UNC13B: variants seen among roughly 807,000 people sequenced by gnomAD.
UNC13B encodes the protein unc-13 homolog B, also known as protein unc-13 homolog B.
UNC13B carries 144 observed loss-of-function variants against 211.0 expected under a neutral mutation model. That is an observed-to-expected ratio of 0.68 (90% CI 0.60 to 0.78). UNC13B has a LOEUF of 0.78. UNC13B is among the 30% of genes least tolerant of loss of function. The pLI is 0.00. For synonymous variants in UNC13B, 709 were observed against 725.8 expected (o/e 0.98, Z 0.37); for missense variants, 1,777 against 2,002.0 (o/e 0.89, Z 2.14).
chr9:35,310,607 G>A lies in UNC13B; in HGVS notation c.9149G>A (p.Ser3050Asn), dbSNP rs746032041. ...DSIHSCHSSH[S>N]LSRDGQAGFG... ...ATTCATTCTTGCCACAGCTCTCACA[G>A]CCTGTCCAGAGATGGCCAAGCAGGT... The change falls in exon 10 of 40, where the codon AGC (serine) becomes AAC (asparagine). Residue 3050 changes from serine to asparagine, a missense_variant. Coordinates refer to ENST00000635942, the MANE Select transcript of UNC13B (RefSeq NM_001371189.2). The A allele has an allele frequency of 6.2e-7, 1 of 1,614,020 alleles. No homozygotes were observed. Among genetic ancestry groups the A allele is most frequent in the Non-Finnish European group, 8.5e-7 (1 of 1,180,000 alleles).
chr9:35,338,639 G>T (rs1281601998), intron 11 of UNC13B, among the ~76,000 whole-genome samples: 1 of 152,178 alleles, frequency 6.6e-6, no homozygotes, highest in African/African-American at 2.4e-5. Context: ...GCTTTTTCAT[G>T]TTGCTTCTGG....
At position 35,162,155 on chromosome 9, in the gene UNC13B, G is replaced by A. The variant is rs984514114; in HGVS notation, c.-129G>A. The A allele has an allele frequency of 1.6e-5, 22 of 1,407,380 alleles. No individual in the cohort carries two copies. The highest frequency in any genetic ancestry group is 2.1e-5 in the Non-Finnish European group (22 of 1,034,272). The allele number at this position is 1,407,380 out of a possible 1,614,324, so 87.2% of individuals were successfully genotyped here. On this transcript the variant is annotated 5_prime_UTR_variant, in exon 1 of 40. Coordinates refer to ENST00000635942, the MANE Select transcript of UNC13B (RefSeq NM_001371189.2). Reference sequence around the variant, plus strand: ...GAGGCAGCGGCGGGACGCTACCTGCGACCGGGACCATGAGGAGCTGCCAGA... The same window carrying A: ...GAGGCAGCGGCGGGACGCTACCTGCAACCGGGACCATGAGGAGCTGCCAGA...
At chr9:35,386,980 T>C (rs1835230657) in intron 24 of UNC13B, among the ~76,000 whole-genome samples, 1 of 152,230 alleles carries the variant, frequency 6.6e-6, no homozygotes, top group Non-Finnish European at 1.5e-5. Flanking sequence ...AGGAGTTTCT[T>C]GCTGACCATA....
At chr9:35,262,997 A>T (rs1288501470) in intron 7 of UNC13B, among the ~76,000 whole-genome samples, 1 of 152,154 alleles carries the variant, frequency 6.6e-6, no homozygotes, top group Non-Finnish European at 1.5e-5. Context: ...TATGATATTG[A>T]TCTTTTTTTA....
intron 1 of UNC13B, among the ~76,000 whole-genome samples, chr9:35,206,200 T>G (rs1823632046): frequency 6.6e-6 from 1 of 151,818 alleles, no homozygotes; most frequent in Non-Finnish European, 1.5e-5. Flanking sequence ...GTCTCAAAAA[T>G]AAAAATTAAA....
intron 6 of UNC13B, among the ~76,000 whole-genome samples, chr9:35,256,060 T>A (rs879468407): frequency 1.3e-5 from 2 of 152,200 alleles, no homozygotes; most frequent in African/African-American, 2.4e-5. Flanking sequence ...TAGTTATGAT[T>A]TTTGCAAAGG....
At chr9:35,224,746 A>T (rs1463324508) in intron 1 of UNC13B, among the ~76,000 whole-genome samples, 1 of 152,090 alleles carries the variant, frequency 6.6e-6, no homozygotes, top group Admixed American at 6.5e-5. Context: ...ACTACAGGCA[A>T]ATACTCCTGA....
chr9:35,255,937 A>T (rs1826856155), intron 6 of UNC13B, among the ~76,000 whole-genome samples: 1 of 152,180 alleles, frequency 6.6e-6, no homozygotes, highest in African/African-American at 2.4e-5. Context: ...CATGAACTGA[A>T]TTCCTTCCCG....
At chr9:35,230,443 TCTGGGTGACACAGCAAGA>T (rs1203889602) in intron 2 of UNC13B, among the ~76,000 whole-genome samples, 88 of 145,466 alleles carry the variant, frequency 6.0e-4, no homozygotes, top group Admixed American at 1.1e-3. Context: ...TGCACCCTGG[TCTGGGTGACACAGCAAGA>T]CTCTGTCTCA....
intron 11 of UNC13B, among the ~76,000 whole-genome samples, chr9:35,334,498 G>T (rs1264489595): frequency 6.6e-6 from 1 of 152,192 alleles, no homozygotes; most frequent in African/African-American, 2.4e-5. Context: ...CATTCACCTG[G>T]AGTATCTTCT....
At chr9:35,223,793 G>T (rs1248349612) in intron 1 of UNC13B, among the ~76,000 whole-genome samples, 1 of 151,928 alleles carries the variant, frequency 6.6e-6, no homozygotes, top group Non-Finnish European at 1.5e-5. Flanking sequence ...TAAAGTTTTG[G>T]GTCTTATATT....
intron 5 of UNC13B, among the ~76,000 whole-genome samples, chr9:35,239,208 C>T (rs532831231): frequency 7.2e-5 from 11 of 152,122 alleles, no homozygotes; most frequent in East Asian, 1.9e-4. Flanking sequence ...ATTCAGCCCC[C>T]GATATTTCAC....
chr9:35,347,392 A>G (rs758773314), intron 11 of UNC13B, among the ~76,000 whole-genome samples: 2 of 152,150 alleles, frequency 1.3e-5, no homozygotes, highest in African/African-American at 2.4e-5. Context: ...GCTCCCTGTC[A>G]TTTCACTTCT....
chr9:35,389,546 T>A (rs549354900), intron 24 of UNC13B, among the ~76,000 whole-genome samples: 2 of 152,256 alleles, frequency 1.3e-5, no homozygotes, highest in East Asian at 3.9e-4. Context: ...AGCCAGCGAG[T>A]TACTCTGCCC....
At chr9:35,344,376 G>T (rs1282786585) in intron 11 of UNC13B, among the ~76,000 whole-genome samples, 1 of 152,142 alleles carries the variant, frequency 6.6e-6, no homozygotes, top group African/African-American at 2.4e-5. Flanking sequence ...CATCAATCTA[G>T]AAGGAAACCT....
At chr9:35,382,658 G>C in intron 21 of UNC13B, 151 bp downstream of exon 21, 1 of 900,898 alleles carries the variant, frequency 1.1e-6, no homozygotes, top group Non-Finnish European at 1.6e-6. Flanking sequence ...TACCTCCTGG[G>C]TTCAAGCGAT....
intron 1 of UNC13B, among the ~76,000 whole-genome samples, chr9:35,163,911 A>T (rs1375133154): frequency 6.6e-6 from 1 of 152,258 alleles, no homozygotes; most frequent in African/African-American, 2.4e-5. Context: ...GAAGATTTTA[A>T]ATACTGAAAC....
Position 35,301,783 on chromosome 9 carries a change from G to A in UNC13B, c.2379G>A (p.Lys793=), listed in dbSNP as rs567126374. The A allele has an allele frequency of 1.0e-5, 4 of 398,876 alleles. No homozygotes were observed. The East Asian group carries it at 1.4e-4, about 14-fold the overall frequency. The allele number at this position is 398,876 out of a possible 1,614,324, so 24.7% of individuals were successfully genotyped here. A position where few individuals can be genotyped will look rare whatever the true frequency, so the allele number is the denominator to read the frequency against. The change falls in exon 9 of 40, where the codon AAG becomes AAA. Residue 793 remains lysine, a synonymous_variant. Coordinates refer to ENST00000635942, the MANE Select transcript of UNC13B (RefSeq NM_001371189.2). The part of the protein sequence containing the change: ...SRTANKEVFS[K]PLEEDKVTGN... ...CTGCAAATAAAGAGGTATTTTCAAA[G>A]CCATTAGAGGAGGACAAAGTTACAG... is the stretch of plus-strand genomic sequence containing the variant.
chr9:35,293,425 C>T (rs1002181657), intron 7 of UNC13B, among the ~76,000 whole-genome samples: 7 of 152,194 alleles, frequency 4.6e-5, no homozygotes, highest in Admixed American at 3.9e-4. Flanking sequence ...TTGTCTGTCG[C>T]AGTTGCCTCC....
Sources: gnomAD v4.1 joint callset for allele counts (sites outside exome capture counted in the v4.1 genomes callset) on GRCh38, gnomAD v4.1.1 for gene constraint, MANE v1.5 for transcripts, NCBI Gene and HGNC (gene_info 2026-07-23, HGNC 2026-07-21) for gene names.